The following RBFOX2 variants were observed in gnomAD, a reference collection of about 807,000 sequenced individuals.
RBFOX2 encodes the protein RNA binding protein fox-1 homolog 2.
A neutral mutation model predicts 49.1 loss-of-function variants in RBFOX2; 10 were observed. The observed-to-expected ratio is 0.20, with a 90% CI of 0.13 to 0.35. The LOEUF (loss-of-function observed/expected upper bound fraction) is 0.35. Ranked by LOEUF, RBFOX2 falls within the 10% of genes least tolerant of loss-of-function variation. RBFOX2 has a pLI of 1.00. For synonymous variants in RBFOX2, 183 were observed against 187.4 expected, an observed-to-expected ratio of 0.98 and a Z score of 0.19; for missense variants, 323 against 486.9, an observed-to-expected ratio of 0.66 and a Z score of 3.17.
chr22:35,885,509 A>G (rs2046442869), intron 1 of RBFOX2, among the ~76,000 whole-genome samples: 1 of 152,224 alleles, frequency 6.6e-6, no homozygotes, highest in Admixed American at 6.5e-5. Context: ...GCTAATGACT[A>G]GGCCAGGGAC....
upstream of RBFOX2, among the ~76,000 whole-genome samples, chr22:35,844,187 G>C (rs2148893398): frequency 6.6e-6 from 1 of 152,188 alleles, no homozygotes; most frequent in African/African-American, 2.4e-5. Context: ...CTTTACCTTA[G>C]CACCTAATCC....
chr22:35,924,949 G>C lies in RBFOX2; in HGVS notation c.-34+13898C>G, dbSNP rs1054319115. 2.0e-5 allele frequency among the ~76,000 whole-genome samples: 3 copies of C among 152,058 alleles called. No homozygotes were observed. In the South Asian group the frequency reaches 6.2e-4, roughly 32 times the overall value. ...AGCACTCTGGGAAGCCGAGGTGGGC[G>C]GATCACTTGAGGTCAGGAGTTCAAG... On this transcript the variant is annotated intron_variant, in intron 1 of 13. Coordinates refer to the RBFOX2 transcript ENST00000359369.
chr22:35,902,291 A>C (rs1456771187), intron 1 of RBFOX2, among the ~76,000 whole-genome samples: 1 of 151,980 alleles, frequency 6.6e-6, no homozygotes, highest in African/African-American at 2.4e-5. Context: ...TCCAATTTTG[A>C]TGCCGTGTTC....
At chr22:35,777,134 C>G (rs1378991624) in intron 4 of RBFOX2, among the ~76,000 whole-genome samples, 1 of 151,834 alleles carries the variant, frequency 6.6e-6, no homozygotes, top group Non-Finnish European at 1.5e-5. Flanking sequence ...GCCTCAGCCT[C>G]CCGAGTAGCT....
At chr22:35,856,924 C>A (rs145745190) in intron 1 of RBFOX2, among the ~76,000 whole-genome samples, 19 of 152,038 alleles carry the variant, frequency 1.2e-4, no homozygotes, top group Admixed American at 1.2e-3. Context: ...CCCAACTACT[C>A]GGGAGGTTGA....
intron 2 of RBFOX2, among the ~76,000 whole-genome samples, chr22:35,783,013 T>A (rs2147183431): frequency 6.6e-6 from 1 of 152,350 alleles, no homozygotes; most frequent in Admixed American, 6.5e-5. Context: ...TGTTATTTTC[T>A]AGTTTGTTTT....
chr22:35,791,489 C>T (rs73412000), intron 2 of RBFOX2, among the ~76,000 whole-genome samples: 7,338 of 151,826 alleles, frequency 0.048, 597 homozygotes, highest in African/African-American at 0.16. Context: ...TATACAGGCA[C>T]GAGTGTAAAC....
chr22:36,001,787 G>A (rs556335283), intron 1 of RBFOX2, among the ~76,000 whole-genome samples: 42 of 152,100 alleles, frequency 2.8e-4, no homozygotes, highest in African/African-American at 8.9e-4. Context: ...GGCCGGGCCA[G>A]ACGTGGTGGC....
chr22:36,006,407 T>C (rs1347780144), intron 1 of RBFOX2, among the ~76,000 whole-genome samples: 1 of 152,260 alleles, frequency 6.6e-6, no homozygotes, highest in Non-Finnish European at 1.5e-5. Context: ...GATAGTCTGC[T>C]GGAAGTCAGT....
Position 35,852,476 on chromosome 22 carries a change from CCTTT to C in RBFOX2, c.-33-42476_-33-42473del, listed in dbSNP as rs554166363. Among the ~76,000 whole-genome samples the C allele has an allele frequency of 1.3e-3, 187 of 149,450 alleles. 2 individuals carry two copies. The highest frequency in any genetic ancestry group is 4.2e-3 in the African/African-American group (172 of 40,508). On this transcript the variant is annotated intron_variant, in intron 1 of 13. Coordinates refer to the RBFOX2 transcript ENST00000359369. ...GTCTAGCCTGGGCAACATAGTGACA[CCTTT>C]CTTTTTAAAAAAAAAAAAAAAAAAA...
intron 1 of RBFOX2, among the ~76,000 whole-genome samples, chr22:35,944,563 C>A (rs1243682120): frequency 1.3e-5 from 2 of 152,182 alleles, no homozygotes; most frequent in Non-Finnish European, 2.9e-5. Context: ...CAAAGCTCTG[C>A]TTTCCATACA....
intron 1 of RBFOX2, among the ~76,000 whole-genome samples, chr22:35,876,206 C>A (rs1293490088): frequency 6.6e-6 from 1 of 151,928 alleles, no homozygotes; most frequent in Non-Finnish European, 1.5e-5. Flanking sequence ...GTGGGGGGTA[C>A]TTTTAAGTAG....
intron 2 of RBFOX2, among the ~76,000 whole-genome samples, chr22:35,792,330 A>AAAAAGAAAAC (rs1947888564): frequency 7.3e-6 from 1 of 136,406 alleles, no homozygotes; most frequent in African/African-American, 2.9e-5. Flanking sequence ...AAAAAAAAAA[A>AAAAAGAAAAC]AAAAGAAAAG....
chr22:35,993,051 T>C (rs941237084), intron 1 of RBFOX2: 1 of 152,206 alleles, frequency 6.6e-6, no homozygotes, highest in Non-Finnish European at 1.5e-5. Context: ...ATATTTACCA[T>C]GTAATGTCCA....
exon 2 of RBFOX2, chr22:35,809,805 G>C (rs751994658): frequency 7.4e-6 from 12 of 1,613,736 alleles, no homozygotes; most frequent in Non-Finnish European, 5.9e-6. Flanking sequence ...TTGTGTGCTG[G>C]GTGAGTTGCT....
At chr22:35,895,681 C>A (rs1328451791) in intron 1 of RBFOX2, among the ~76,000 whole-genome samples, 1 of 152,134 alleles carries the variant, frequency 6.6e-6, no homozygotes, top group Non-Finnish European at 1.5e-5. Flanking sequence ...CTTTACTCAC[C>A]ACGCAGACGG....
intron 1 of RBFOX2, among the ~76,000 whole-genome samples, chr22:35,927,303 CAT>C (rs1192692367): frequency 2.0e-5 from 3 of 152,036 alleles, no homozygotes; most frequent in Admixed American, 6.6e-5. Context: ...AGTGAAGAGA[CAT>C]ATATAAAGCA....
intron 1 of RBFOX2, among the ~76,000 whole-genome samples, chr22:35,811,445 A>T (rs1259892055): frequency 6.6e-6 from 1 of 152,254 alleles, no homozygotes; most frequent in Non-Finnish European, 1.5e-5. Context: ...ATGTGAAGAC[A>T]CAGAGCATGA....
upstream of RBFOX2, chr22:35,840,653 T>G: frequency 1.9e-6 from 2 of 1,027,710 alleles, no homozygotes; most frequent in Non-Finnish European, 2.3e-6. Context: ...TGTGTGTGTG[T>G]GTGTAGGGGG....
Sources: gnomAD v4.1 joint callset for allele counts (sites outside exome capture counted in the v4.1 genomes callset) on GRCh38, gnomAD v4.1.1 for gene constraint, MANE v1.5 for transcripts, NCBI Gene and HGNC (gene_info 2026-07-23, HGNC 2026-07-21) for gene names.